ZFPM2: variants seen among roughly 807,000 people sequenced by gnomAD.
ZFPM2 encodes the protein zinc finger protein, FOG family member 2.
Under a neutral mutation model 98.6 loss-of-function variants are expected in ZFPM2, and 20 were observed. The observed-to-expected ratio is 0.20, with a 90% CI of 0.14 to 0.29. ZFPM2 has a LOEUF of 0.29. ZFPM2 is among the 10% of genes least tolerant of loss of function. The probability of loss-of-function intolerance (pLI) is 1.00; values close to 1 mark genes in which losing one functional copy is unlikely to be tolerated. For missense variants in ZFPM2, 1,310 were observed against 1,388.6 expected, an observed-to-expected ratio of 0.94 and a Z score of 0.90; for synonymous variants, 518 against 502.7, an observed-to-expected ratio of 1.03 and a Z score of -0.41.
At chr8:105,651,278 G>A (rs1400211758) in intron 5 of ZFPM2, among the ~76,000 whole-genome samples, 4 of 151,922 alleles carry the variant, frequency 2.6e-5, no homozygotes, top group Admixed American at 2.0e-4. Flanking sequence ...GAAACTCTAT[G>A]TTTCAATCAT....
chr8:105,630,826 T>C (rs1262719279), intron 4 of ZFPM2, among the ~76,000 whole-genome samples: 1 of 152,084 alleles, frequency 6.6e-6, no homozygotes, highest in African/African-American at 2.4e-5. Context: ...AAGTAAACCA[T>C]TAATATTGTT....
chr8:105,633,695 G>T lies in ZFPM2; in HGVS notation c.421-551G>T, dbSNP rs548521459. ...GGAGACAATGTATGGTGCATCATTAGCATTATTATTATTTCAGTTACAGTG... is the reference window on the plus strand; with the variant it reads ...GGAGACAATGTATGGTGCATCATTATCATTATTATTATTTCAGTTACAGTG... On this transcript the variant is annotated intron_variant, in intron 4 of 7. Transcript: ENST00000407775. Among the ~76,000 whole-genome samples the T allele has an allele frequency of 1.1e-4, 16 of 152,224 alleles. No homozygotes were observed. In the South Asian group the frequency reaches 3.3e-3, roughly 32 times the overall value.
intron 4 of ZFPM2, among the ~76,000 whole-genome samples, chr8:105,595,243 G>T (rs1815944194): frequency 6.6e-6 from 1 of 151,928 alleles, no homozygotes; most frequent in South Asian, 2.1e-4. Flanking sequence ...GTCCAGGGAG[G>T]GTGTGCCTTA....
rs1381322607 is a variant in ZFPM2, at chr8:105,377,605, TCCA to T, written c.41-41538_41-41536del. 1.8e-3 allele frequency among the ~76,000 whole-genome samples: 18 copies of T among 9,842 alleles called. 3 individuals carry two copies. The highest frequency in any genetic ancestry group is 8.9e-3 in the East Asian group (1 of 112). The allele number at this position is 9,842 out of a possible 152,430, so 6.5% of individuals were successfully genotyped here. A position where few individuals can be genotyped will look rare whatever the true frequency, so the allele number is the denominator to read the frequency against. On this transcript the variant is annotated intron_variant, in intron 1 of 7. Coordinates refer to ENST00000407775, the MANE Select transcript of ZFPM2 (RefSeq NM_012082.4). ...AGCAAAACCCCGTTTTTCTTAAAAA[TCCA>T]AAAAAAAAAAAAAAAAAAAAAAAAA...
chr8:105,547,466 C>T (rs936738809), intron 3 of ZFPM2, among the ~76,000 whole-genome samples: 8 of 133,092 alleles, frequency 6.0e-5, no homozygotes, highest in African/African-American at 2.0e-4. Flanking sequence ...TGCTTGAACC[C>T]GGGAGGCGGA....
intron 3 of ZFPM2, among the ~76,000 whole-genome samples, chr8:105,540,669 C>G (rs2130623799): frequency 6.6e-6 from 1 of 152,170 alleles, no homozygotes; most frequent in South Asian, 2.1e-4. Context: ...AACTATGTTG[C>G]ACGTATTTTC....
intron 1 of ZFPM2, among the ~76,000 whole-genome samples, chr8:105,373,529 T>A (rs1810664745): frequency 6.6e-6 from 1 of 152,198 alleles, no homozygotes; most frequent in Non-Finnish European, 1.5e-5. Flanking sequence ...ACAGTCATCA[T>A]TACAGATTAT....
At chr8:105,619,707 C>T (rs1816494638) in intron 4 of ZFPM2, among the ~76,000 whole-genome samples, 1 of 150,900 alleles carries the variant, frequency 6.6e-6, no homozygotes, top group East Asian at 2.0e-4. Flanking sequence ...CGACAGGCCC[C>T]AGTGTGATGT....
At chr8:105,350,020 T>TA (rs1428045745) in intron 1 of ZFPM2, among the ~76,000 whole-genome samples, 3 of 152,212 alleles carry the variant, frequency 2.0e-5, no homozygotes, top group South Asian at 4.1e-4. Context: ...ATAGTTTTTT[T>TA]ACGTTTTTAA....
chr8:105,344,693 G>C (rs1173098041), intron 1 of ZFPM2, among the ~76,000 whole-genome samples: 3 of 151,822 alleles, frequency 2.0e-5, no homozygotes, highest in Admixed American at 6.6e-5. Flanking sequence ...ATGTGTGTGT[G>C]TATACATATA....
intron 5 of ZFPM2, among the ~76,000 whole-genome samples, chr8:105,771,148 C>A (rs528825730): frequency 1.3e-5 from 2 of 152,246 alleles, no homozygotes; most frequent in South Asian, 2.1e-4. Flanking sequence ...TAAAATTATT[C>A]TCTGTCACTC....
At chr8:105,359,715 A>C (rs1812820753) in intron 1 of ZFPM2, among the ~76,000 whole-genome samples, 1 of 152,138 alleles carries the variant, frequency 6.6e-6, no homozygotes, top group Non-Finnish European at 1.5e-5. Flanking sequence ...AGAGTGGACT[A>C]AGGCACCCAC....
intron 3 of ZFPM2, among the ~76,000 whole-genome samples, chr8:105,536,020 A>G (rs1330315130): frequency 4.6e-5 from 7 of 152,216 alleles, no homozygotes; most frequent in Non-Finnish European, 8.8e-5. Context: ...TTTGAGTTCC[A>G]GAGGGTTATA....
intron 5 of ZFPM2, among the ~76,000 whole-genome samples, chr8:105,733,078 A>T (rs1811979611): frequency 6.6e-6 from 1 of 151,940 alleles, no homozygotes; most frequent in East Asian, 1.9e-4. Flanking sequence ...AATGATTGGA[A>T]TATATGTGAA....
chr8:105,593,043 G>A (rs1235718335), intron 4 of ZFPM2, among the ~76,000 whole-genome samples: 1 of 152,160 alleles, frequency 6.6e-6, no homozygotes, highest in African/African-American at 2.4e-5. Flanking sequence ...CTGGGAGGAG[G>A]TGGGGCAAGG....
chr8:105,472,990 G>C (rs1164788304), intron 3 of ZFPM2, among the ~76,000 whole-genome samples: 1 of 150,940 alleles, frequency 6.6e-6, no homozygotes, highest in Non-Finnish European at 1.5e-5. Flanking sequence ...GGAACCCTGG[G>C]CTAATGTGAT....
At chr8:105,769,667 C>T (rs1423581659) in intron 5 of ZFPM2, among the ~76,000 whole-genome samples, 1 of 151,982 alleles carries the variant, frequency 6.6e-6, no homozygotes, top group East Asian at 1.9e-4. Context: ...TGCTGTATCT[C>T]CTTTGTCTGT....
At chr8:105,364,664 A>G (rs1372991131) in intron 1 of ZFPM2, among the ~76,000 whole-genome samples, 2 of 152,100 alleles carry the variant, frequency 1.3e-5, no homozygotes, top group Non-Finnish European at 1.5e-5. Context: ...TACCAAAAAA[A>G]AAAAAAAATG....
At chr8:105,726,587 A>T (rs373882955) in intron 5 of ZFPM2, among the ~76,000 whole-genome samples, 2 of 151,820 alleles carry the variant, frequency 1.3e-5, no homozygotes, top group African/African-American at 4.8e-5. Flanking sequence ...AACTTTGTGC[A>T]AGTACTGGTC....
Sources: gnomAD v4.1 joint callset for allele counts (sites outside exome capture counted in the v4.1 genomes callset) on GRCh38, gnomAD v4.1.1 for gene constraint, MANE v1.5 for transcripts, NCBI Gene and HGNC (gene_info 2026-07-23, HGNC 2026-07-21) for gene names.